ALDH5A1: variants seen among roughly 807,000 people sequenced by gnomAD.
ALDH5A1 encodes succinate-semialdehyde dehydrogenase, mitochondrial.
ALDH5A1 carries 33 observed loss-of-function variants against 54.7 expected under a neutral mutation model. The ratio of observed to expected loss-of-function variants is 0.60; its 90% CI spans 0.46 to 0.81. ALDH5A1 has a LOEUF of 0.81. Among genes scored for constraint, ALDH5A1 ranks in the 30% least tolerant of loss-of-function variants. The pLI, the probability that ALDH5A1 is intolerant of heterozygous loss-of-function variation, is 0.00. For missense variants in ALDH5A1, 657 were observed against 711.0 expected (o/e 0.92, Z 0.86); for synonymous variants, 294 against 292.7 (o/e 1.00, Z -0.05).
intron 9 of ALDH5A1, 71 bp from the exon 10 acceptor site, chr6:24,533,435 GC>G (rs1759973820): frequency 6.0e-6 from 9 of 1,492,846 alleles, no homozygotes; most frequent in Non-Finnish European, 8.4e-6. Flanking sequence ...CATCAATGGT[GC>G]CCTCATCTTT....
rs769678253 is a variant in ALDH5A1 at position 24,515,192 on chromosome 6, C to A, written c.752C>A (p.Ser251Ter). Reference sequence around the variant, plus strand: ...CTTGCAAGCCAGGCTGGGATTCCTTCAGGTGTATACAATGTTATTCCCTGT... The same window carrying A: ...CTTGCAAGCCAGGCTGGGATTCCTTAAGGTGTATACAATGTTATTCCCTGT... ...AELASQAGIP[S>*]GVYNVIPCSR... is the part of the protein sequence containing the mutation. The change falls in exon 5 of 10, where the codon TCA becomes TAA. Residue 251 changes from serine to a stop codon, truncating the protein, a stop_gained. Coordinates refer to ENST00000357578, the MANE Select transcript of ALDH5A1 (RefSeq NM_001080.3). LOFTEE classifies it high-confidence loss of function. The A allele has an allele frequency of 6.3e-7, 1 of 1,587,648 alleles. No individual in the cohort carries two copies.
chr6:24,532,006 C>A, intron 8 of ALDH5A1, 113 bp from the exon 9 acceptor site: 1 of 1,005,150 alleles, frequency 9.9e-7, no homozygotes, highest in Non-Finnish European at 1.6e-6. Flanking sequence ...GATCTCTTTG[C>A]AAAACTCTGA....
chr6:24,520,056 A>G (rs116775876), intron 5 of ALDH5A1, among the ~76,000 whole-genome samples: 3,067 of 151,782 alleles, frequency 0.02, 77 homozygotes, highest in African/African-American at 0.059. Flanking sequence ...CCCAGTGTTT[A>G]TTTTACTAAT....
rs1048823289 is a variant in ALDH5A1 at position 24,533,408 on chromosome 6, G to T, written c.1403-99G>T. On this transcript the variant is annotated intron_variant, in intron 9 of 9. Coordinates refer to ENST00000357578, the MANE Select transcript of ALDH5A1 (RefSeq NM_001080.3). ...GGAGCAGGGAAGACTCCAGGCCCAA[G>T]TGGCTGGACAAAAAGTCATCAATGG... 2.3e-6 allele frequency: 3 copies of T among 1,291,358 alleles called. No individual in the cohort carries two copies. In the African/African-American group the frequency reaches 4.4e-5, roughly 19 times the overall value. The allele number at this position is 1,291,358 out of a possible 1,614,324, so 80.0% of individuals were successfully genotyped here.
chr6:24,504,975 C>T lies in ALDH5A1; in HGVS notation c.716C>T (p.Ala239Val). 6.2e-7 allele frequency: 1 copy of T among 1,614,172 alleles called. No individual in the cohort carries two copies. The highest frequency in any genetic ancestry group is 8.5e-7 in the Non-Finnish European group (1 of 1,180,000). ...GAAGACACGCCCTTCTCCGCCCTGG[C>T]CCTGGCTGAGGTGAGCCGCTCTCCC... ...PAEDTPFSAL[A>V]LAELASQAGI... Residue 239 changes from alanine (A) to valine (V), a missense_variant, in exon 4 of 10, where the codon GCC (alanine) becomes GTC (valine). By Grantham distance (64) the Ala-to-Val change is moderately conservative. This residue lies in a region of ALDH5A1 where 425 missense variants were observed against 516.4 expected (regional missense o/e 0.82). Coordinates refer to ENST00000357578, the MANE Select transcript of ALDH5A1 (RefSeq NM_001080.3).
rs537410557 is a variant in ALDH5A1 at position 24,526,218 on chromosome 6, C to T, written c.1174-1779C>T. Among the ~76,000 whole-genome samples the T allele has an allele frequency of 5.3e-5, 8 of 152,148 alleles. No individual in the cohort carries two copies. In the East Asian group the frequency reaches 5.8e-4, roughly 11 times the overall value. On this transcript the variant is annotated intron_variant, in intron 7 of 9. Coordinates refer to ENST00000357578, the MANE Select transcript of ALDH5A1 (RefSeq NM_001080.3). ...GAGAAGGAGCTGACCAGGTTAGTTTCGACAACTCAGTCCTTCATTCAGAAA... is the reference window on the plus strand; with the variant it reads ...GAGAAGGAGCTGACCAGGTTAGTTTTGACAACTCAGTCCTTCATTCAGAAA...
chr6:24,530,800 GC>G (rs1399041103), intron 8 of ALDH5A1, among the ~76,000 whole-genome samples: 3 of 152,230 alleles, frequency 2.0e-5, no homozygotes, highest in African/African-American at 7.2e-5. Flanking sequence ...CCCCAAGCCA[GC>G]CCTGCTGCTT....
Position 24,502,524 on chromosome 6 carries a change from AGAG to A in ALDH5A1, c.360_362del (p.Arg120del). The A allele has an allele frequency of 4.4e-6, 7 of 1,608,358 alleles. No individual in the cohort carries two copies. The highest frequency in any genetic ancestry group is 5.1e-6 in the Non-Finnish European group (6 of 1,174,794). ...TCTGCCTTGTTATTTCTTTTGCAGG[AGAG>A]GAGTTCATTACTTCGGAAGTGGTAC... On this transcript the variant is annotated inframe_deletion and splice_region_variant, in exon 2 of 10. Coordinates refer to ENST00000357578, the MANE Select transcript of ALDH5A1 (RefSeq NM_001080.3).
At chr6:24,497,002 G>GGT (rs1179518845) in intron 1 of ALDH5A1, among the ~76,000 whole-genome samples, 6 of 152,158 alleles carry the variant, frequency 3.9e-5, no homozygotes, top group African/African-American at 1.4e-4. Context: ...GTCCGGAGTT[G>GGT]GTTCCTGCCG....
chr6:24,507,291 T>C lies in ALDH5A1; in HGVS notation c.726+2306T>C, dbSNP rs4646838. Among the ~76,000 whole-genome samples, 258 of 148,518 alleles carry C rather than the reference T, an allele frequency of 1.7e-3. 7 individuals carry two copies. In the East Asian group the frequency reaches 0.048, roughly 28 times the overall value. Reference sequence around the variant, plus strand: ...GGCCTATCGTGCTTATAAATCAGTTTTGCTAGGTATAAAATCCTTGGCTCA... The same window carrying C: ...GGCCTATCGTGCTTATAAATCAGTTCTGCTAGGTATAAAATCCTTGGCTCA... On this transcript the variant is annotated intron_variant, in intron 4 of 9. Coordinates refer to ENST00000357578, the MANE Select transcript of ALDH5A1 (RefSeq NM_001080.3).
rs1760008178 is a variant in ALDH5A1 at position 24,534,662 on chromosome 6, G to A, written c.*950G>A. On this transcript the variant is annotated 3_prime_UTR_variant, in exon 10 of 10. Transcript: ENST00000357578. The stretch of plus-strand genomic sequence containing the variant: ...ATGAAAATTCTAAGGACATACAAGA[G>A]CCATTGTTACGAGCAGCACCGCCCA... 6.6e-6 allele frequency: 1 copy of A among 152,304 alleles called. No homozygotes were observed. The highest frequency in any genetic ancestry group is 2.1e-4 in the South Asian group (1 of 4,832). The allele number at this position is 152,304 out of a possible 1,614,324, so 9.4% of individuals were successfully genotyped here.
intron 4 of ALDH5A1, among the ~76,000 whole-genome samples, chr6:24,513,163 G>A (rs111659385): frequency 0.044 from 6,675 of 152,054 alleles, 220 homozygotes; most frequent in South Asian, 0.099. Flanking sequence ...AGGCTCAAGC[G>A]TTTCTCCTGC....
intron 5 of ALDH5A1, among the ~76,000 whole-genome samples, chr6:24,517,251 C>T (rs1759593081): frequency 6.6e-6 from 1 of 152,164 alleles, no homozygotes; most frequent in Non-Finnish European, 1.5e-5. Flanking sequence ...AGTGATCCTC[C>T]CTCCTTGGCC....
intron 1 of ALDH5A1, among the ~76,000 whole-genome samples, chr6:24,496,675 G>A (rs909946530): frequency 2.0e-5 from 3 of 152,172 alleles, no homozygotes; most frequent in Admixed American, 6.5e-5. Context: ...CCCAAGTGAG[G>A]ATGTAAAGTA....
rs1759310116 is a variant in ALDH5A1 at position 24,504,974 on chromosome 6, G to T, written c.715G>T (p.Ala239Ser). 1 of 1,614,050 alleles carries T rather than the reference G, an allele frequency of 6.2e-7. No individual in the cohort carries two copies. Among genetic ancestry groups the T allele is most frequent in the African/African-American group, 1.3e-5 (1 of 74,932 alleles). The change falls in exon 4 of 10, where the codon GCC becomes TCC. Residue 239 changes from alanine to serine, a missense_variant. Physicochemically the swap from Ala to Ser is moderately conservative, Grantham distance 99 (BLOSUM62 1). Transcript: ENST00000357578. ...PAEDTPFSAL[A>S]LAELASQAGI... ...CGAAGACACGCCCTTCTCCGCCCTG[G>T]CCCTGGCTGAGGTGAGCCGCTCTCC...
intron 8 of ALDH5A1, among the ~76,000 whole-genome samples, chr6:24,529,864 G>A (rs950431031): frequency 1.2e-4 from 18 of 151,510 alleles, no homozygotes; most frequent in African/African-American, 3.9e-4. Context: ...TAGAGACAGG[G>A]TTTCGCCATG....
chr6:24,531,884 T>G, intron 8 of ALDH5A1: 1 of 561,500 alleles, frequency 1.8e-6, no homozygotes, highest in Non-Finnish European at 3.2e-6. Context: ...GTTGGTCTGC[T>G]TTTTTCTTGT....
intron 8 of ALDH5A1, among the ~76,000 whole-genome samples, chr6:24,529,868 C>T (rs1226136624): frequency 1.3e-5 from 2 of 151,712 alleles, no homozygotes; most frequent in African/African-American, 2.4e-5. Flanking sequence ...GACAGGGTTT[C>T]GCCATGTTGG....
At chr6:24,502,050 AC>A (rs1465699302) in intron 1 of ALDH5A1, among the ~76,000 whole-genome samples, 1 of 151,928 alleles carries the variant, frequency 6.6e-6, no homozygotes, top group Non-Finnish European at 1.5e-5. Flanking sequence ...AAGAAGTCCC[AC>A]CCTCTGCTGT....
Sources: allele counts gnomAD v4.1 joint callset (sites outside exome capture counted in the v4.1 genomes callset), GRCh38; gene constraint gnomAD v4.1.1; regional missense constraint gnomAD v4.1.1; transcripts MANE v1.5; gene names NCBI Gene and HGNC (gene_info 2026-07-23, HGNC 2026-07-21).